Variants in DCDC1 observed in about 807,000 individuals in gnomAD.
DCDC1 encodes doublecortin domain containing 1, also known as doublecortin domain-containing protein 1.
A neutral mutation model predicts 178.3 loss-of-function variants in DCDC1; 200 were observed. That is an observed-to-expected ratio of 1.12 (90% CI 1.00 to 1.26). The LOEUF (loss-of-function observed/expected upper bound fraction) is 1.26. DCDC1 is among the 50% of genes most tolerant of loss of function. The pLI, the probability that DCDC1 is intolerant of heterozygous loss-of-function variation, is 0.00. For synonymous variants in DCDC1, 690 were observed against 604.8 expected (o/e 1.14, Z -2.07); for missense variants, 1,983 against 1,749.2 (o/e 1.13, Z -2.38).
chr11:31,227,645 T>C (rs1375127544), intron 9 of DCDC1, among the ~76,000 whole-genome samples: 1 of 152,058 alleles, frequency 6.6e-6, no homozygotes, highest in Non-Finnish European at 1.5e-5. Context: ...GATAAAATAA[T>C]TAAACCCAGT....
At chr11:31,135,554 AT>A (rs1424720384) in intron 10 of DCDC1, among the ~76,000 whole-genome samples, 1 of 152,208 alleles carries the variant, frequency 6.6e-6, no homozygotes, top group Non-Finnish European at 1.5e-5. Context: ...CCAGATTAAT[AT>A]AATCACTTTC....
intron 20 of DCDC1, among the ~76,000 whole-genome samples, chr11:31,056,559 T>C (rs531729272): frequency 6.6e-6 from 1 of 152,084 alleles, no homozygotes; most frequent in African/African-American, 2.4e-5. Context: ...CAAAGTAAAC[T>C]TTAAAAAGGG....
At chr11:31,232,380 C>T (rs1975884774) in intron 9 of DCDC1, among the ~76,000 whole-genome samples, 1 of 152,074 alleles carries the variant, frequency 6.6e-6, no homozygotes, top group South Asian at 2.1e-4. Context: ...ATGCTGTGAA[C>T]TTTAAAAAAA....
chr11:31,111,869 T>C (rs1342194321), intron 11 of DCDC1, among the ~76,000 whole-genome samples: 1 of 152,160 alleles, frequency 6.6e-6, no homozygotes, highest in African/African-American at 2.4e-5. Context: ...AATTATATTC[T>C]AGAAAATAGC....
chr11:31,358,739 C>T (rs1356821200), intron 1 of DCDC1, among the ~76,000 whole-genome samples: 1 of 151,956 alleles, frequency 6.6e-6, no homozygotes, highest in Non-Finnish European at 1.5e-5. Context: ...AACAAATTTA[C>T]AAGAAAAAAA....
intron 3 of DCDC1, among the ~76,000 whole-genome samples, chr11:31,321,858 C>T (rs951337560): frequency 1.3e-5 from 2 of 152,038 alleles, no homozygotes; most frequent in Admixed American, 1.3e-4. Context: ...TAAATAGTTA[C>T]ACATATAAAT....
At chr11:31,157,781 T>C (rs1306086643) in intron 9 of DCDC1, among the ~76,000 whole-genome samples, 1 of 152,138 alleles carries the variant, frequency 6.6e-6, no homozygotes, top group African/African-American at 2.4e-5. Flanking sequence ...GGTAGAACAA[T>C]GTGAATATTC....
intron 20 of DCDC1, among the ~76,000 whole-genome samples, chr11:31,018,925 G>C (rs1029112604): frequency 1.6e-4 from 25 of 152,250 alleles, no homozygotes; most frequent in African/African-American, 6.0e-4. Context: ...TGCTGAAATG[G>C]AATAAGGATG....
chr11:31,091,760 T>C (rs1591014401), intron 16 of DCDC1, among the ~76,000 whole-genome samples: 1 of 152,134 alleles, frequency 6.6e-6, no homozygotes, highest in East Asian at 1.9e-4. Context: ...TCTTCATTTG[T>C]CTTTTTTTTT....
intron 9 of DCDC1, among the ~76,000 whole-genome samples, chr11:31,213,010 C>G (rs766296797): frequency 6.6e-6 from 1 of 151,896 alleles, no homozygotes; most frequent in South Asian, 2.1e-4. Context: ...TCTTCCTTCT[C>G]TCTGCTCCTC....
At chr11:30,921,811 G>C in intron 24 of DCDC1, among the ~76,000 whole-genome samples, 1 of 152,258 alleles carries the variant, frequency 6.6e-6, no homozygotes, top group South Asian at 2.1e-4. Flanking sequence ...AGCCAGCCAC[G>C]TGAACTGGGA....
chr11:31,253,492 A>C lies in DCDC1; in HGVS notation c.1055-11876T>G, dbSNP rs1478685645. Among the ~76,000 whole-genome samples, 3 of 152,112 alleles carry C rather than the reference A, an allele frequency of 2.0e-5. No homozygotes were observed. In the East Asian group the frequency reaches 5.8e-4, roughly 29 times the overall value. Reference sequence around the variant, plus strand: ...AAAGACAAAAAGTTATCTTTAGTTAAAGAAATAAGAATGATACACAAAACA... The same window carrying C: ...AAAGACAAAAAGTTATCTTTAGTTACAGAAATAAGAATGATACACAAAACA... On this transcript the variant is annotated intron_variant, in intron 8 of 38. Transcript: ENST00000684477.
At position 31,305,794 on chromosome 11, in the gene DCDC1, G is replaced by T. The variant is rs1222650510; in HGVS notation, c.592-17C>A. The T allele has an allele frequency of 6.2e-7, 1 of 1,609,520 alleles. No homozygotes were observed. The highest frequency in any genetic ancestry group is 2.2e-5 in the East Asian group (1 of 44,788). ...CTCCAGCAGCTAGAAGAAAGCAAGA[G>T]GTAAGTCAAAGTGATTTACTACAAA... On this transcript the variant is annotated splice_polypyrimidine_tract_variant and intron_variant, in intron 5 of 38. Transcript: ENST00000684477.
intron 15 of DCDC1, among the ~76,000 whole-genome samples, chr11:31,100,892 T>C (rs1019443829): frequency 2.0e-5 from 3 of 152,234 alleles, no homozygotes; most frequent in Admixed American, 2.0e-4. Context: ...TAAATATTAA[T>C]GTCAGATGAA....
At chr11:31,164,608 T>C (rs1034975115) in intron 9 of DCDC1, among the ~76,000 whole-genome samples, 17 of 152,090 alleles carry the variant, frequency 1.1e-4, no homozygotes, top group Admixed American at 4.6e-4. Context: ...TAGAAGGATA[T>C]GAAGACAATT....
At chr11:31,283,925 G>A (rs1325026565) in intron 7 of DCDC1, among the ~76,000 whole-genome samples, 3 of 151,860 alleles carry the variant, frequency 2.0e-5, no homozygotes, top group East Asian at 3.9e-4. Flanking sequence ...GGGAAACACT[G>A]TGCTTTTCTC....
intron 9 of DCDC1, among the ~76,000 whole-genome samples, chr11:31,221,610 T>C (rs1974275446): frequency 1.3e-5 from 2 of 152,160 alleles, no homozygotes; most frequent in Non-Finnish European, 2.9e-5. Context: ...TGTCCCACTT[T>C]CTCTGTTCCC....
intron 9 of DCDC1, among the ~76,000 whole-genome samples, chr11:31,178,860 T>C (rs1280793602): frequency 1.3e-5 from 2 of 152,078 alleles, no homozygotes; most frequent in East Asian, 3.9e-4. Context: ...ACCTGGCTAA[T>C]TTTTGTATTT....
intron 9 of DCDC1, among the ~76,000 whole-genome samples, chr11:31,207,661 C>T (rs753633186): frequency 5.9e-5 from 9 of 152,162 alleles, no homozygotes; most frequent in Non-Finnish European, 8.8e-5. Context: ...TGCAAACATG[C>T]CTTAATGTAA....
Sources: gnomAD v4.1 joint callset for allele counts (sites outside exome capture counted in the v4.1 genomes callset) on GRCh38, gnomAD v4.1.1 for gene constraint, MANE v1.5 for transcripts, NCBI Gene and HGNC (gene_info 2026-07-23, HGNC 2026-07-21) for gene names.